The following SLC39A8 variants were observed in gnomAD, a reference collection of about 807,000 sequenced individuals.
SLC39A8 encodes the protein metal cation symporter ZIP8.
In SLC39A8, 15 loss-of-function variants were observed where a neutral mutation model predicts 40.4. The observed-to-expected ratio is 0.37, with a 90% confidence interval of 0.25 to 0.57. The LOEUF (loss-of-function observed/expected upper bound fraction) is 0.57. Ranked by LOEUF, SLC39A8 falls within the 20% of genes least tolerant of loss-of-function variation. The probability of loss-of-function intolerance (pLI) is 0.75; values close to 1 mark genes in which losing one functional copy is unlikely to be tolerated. For missense variants in SLC39A8, 472 were observed against 558.8 expected (o/e 0.84, Z 1.57); for synonymous variants, 223 against 221.6 (o/e 1.01, Z -0.06).
At position 102,344,895 on chromosome 4, in the gene SLC39A8, C is replaced by G; in HGVS notation, c.-233G>C. The G allele has an allele frequency of 7.7e-7, 1 of 1,290,840 alleles. No individual in the cohort carries two copies. The highest frequency in any genetic ancestry group is 4.3e-5 in the Admixed American group (1 of 23,358). 80.0% of individuals were successfully genotyped at this position (1,290,840 alleles called of 1,614,324 possible). A position where few individuals can be genotyped will look rare whatever the true frequency, so the allele number is the denominator to read the frequency against. Reference sequence around the variant, plus strand: ...CGAGGGGAGCGATAGGCGGAGTGGGCCCCCCGGCCTCCTGGAGAGCCTGAG... The same window carrying G: ...CGAGGGGAGCGATAGGCGGAGTGGGGCCCCCGGCCTCCTGGAGAGCCTGAG... On this transcript the variant is annotated 5_prime_UTR_variant, in exon 2 of 9. Transcript: ENST00000356736.
At chr4:102,303,437 T>C (rs116595123) in intron 6 of SLC39A8, among the ~76,000 whole-genome samples, 3,308 of 152,040 alleles carry the variant, frequency 0.022, 60 homozygotes, top group Middle Eastern at 0.065. Flanking sequence ...GATTTTGGAT[T>C]TAGGACTGAA....
chr4:102,273,127 C>T (rs1393490274), intron 6 of SLC39A8, among the ~76,000 whole-genome samples: 1 of 152,126 alleles, frequency 6.6e-6, no homozygotes, highest in African/African-American at 2.4e-5. Flanking sequence ...GGGGCTGAAG[C>T]CAGGGAGCCA....
At chr4:102,319,047 G>A (rs923539498) in intron 2 of SLC39A8, among the ~76,000 whole-genome samples, 1 of 152,160 alleles carries the variant, frequency 6.6e-6, no homozygotes, top group Non-Finnish European at 1.5e-5. Flanking sequence ...TTGTATGTGT[G>A]AAACACCAAA....
In SLC39A8 at chr4:102,288,769, C is replaced by G. The variant is rs1733295970; in HGVS notation, c.840+15548G>C. On this transcript the variant is annotated intron_variant, in intron 6 of 8. Coordinates refer to ENST00000356736, the MANE Select transcript of SLC39A8 (RefSeq NM_001135146.2). ...TACCCTAAAGTAGGAGCAAGCCCCT[C>G]TTTTCAATTCTATGAAGGCTGAGAG... Among the ~76,000 whole-genome samples the G allele has an allele frequency of 2.0e-5, 3 of 152,072 alleles. No homozygotes were observed. In the South Asian group the frequency reaches 6.2e-4, roughly 31 times the overall value.
At chr4:102,272,411 G>A (rs1732404386) in intron 6 of SLC39A8, among the ~76,000 whole-genome samples, 1 of 150,974 alleles carries the variant, frequency 6.6e-6, no homozygotes, top group African/African-American at 2.4e-5. Flanking sequence ...GCCGAGCCTG[G>A]GTGACAGAGT....
At chr4:102,289,463 T>C (rs187709435) in intron 6 of SLC39A8, among the ~76,000 whole-genome samples, 50 of 152,316 alleles carry the variant, frequency 3.3e-4, no homozygotes, top group African/African-American at 1.0e-3. Flanking sequence ...ACAAGTCATA[T>C]TATTTAAGAA....
chr4:102,294,457 C>T, intron 6 of SLC39A8, among the ~76,000 whole-genome samples: 1 of 151,936 alleles, frequency 6.6e-6, no homozygotes, highest in African/African-American at 2.4e-5. Flanking sequence ...CTTCATTCTC[C>T]ACCATCCCCA....
At chr4:102,302,544 A>C (rs1388914910) in intron 6 of SLC39A8, among the ~76,000 whole-genome samples, 1 of 152,048 alleles carries the variant, frequency 6.6e-6, no homozygotes, top group Admixed American at 6.6e-5. Context: ...CCACTACAAA[A>C]AATAAATATT....
intron 3 of SLC39A8, among the ~76,000 whole-genome samples, chr4:102,309,144 A>G (rs955705535): frequency 6.6e-6 from 1 of 152,128 alleles, no homozygotes; most frequent in African/African-American, 2.4e-5. Flanking sequence ...TAGAATTTCT[A>G]TGTACAAATA....
intron 6 of SLC39A8, among the ~76,000 whole-genome samples, chr4:102,300,773 A>G (rs958682643): frequency 3.3e-5 from 5 of 151,836 alleles, no homozygotes; most frequent in Non-Finnish European, 7.4e-5. Context: ...CCTAGGTTAG[A>G]TTATTTTTAT....
At chr4:102,317,609 A>G (rs1462797655) in intron 2 of SLC39A8, among the ~76,000 whole-genome samples, 1 of 152,154 alleles carries the variant, frequency 6.6e-6, no homozygotes, top group Non-Finnish European at 1.5e-5. Context: ...TGCTAGATTC[A>G]AAAAGTAGAC....
chr4:102,294,895 A>C (rs986467670), intron 6 of SLC39A8, among the ~76,000 whole-genome samples: 1 of 151,986 alleles, frequency 6.6e-6, no homozygotes, highest in Non-Finnish European at 1.5e-5. Flanking sequence ...ACCACTTCAG[A>C]CTTATTAAAT....
At chr4:102,285,600 G>A (rs1263312247) in intron 6 of SLC39A8, among the ~76,000 whole-genome samples, 1 of 150,022 alleles carries the variant, frequency 6.7e-6, no homozygotes, top group Non-Finnish European at 1.5e-5. Context: ...AGATATGATT[G>A]TAGAGACAAA....
intron 3 of SLC39A8, among the ~76,000 whole-genome samples, chr4:102,313,047 C>G (rs940711098): frequency 3.9e-5 from 6 of 152,092 alleles, no homozygotes; most frequent in Non-Finnish European, 7.4e-5. Flanking sequence ...GAACAATTAG[C>G]AATTCAAAAT....
intron 6 of SLC39A8, among the ~76,000 whole-genome samples, chr4:102,276,652 T>A (rs1732631797): frequency 6.6e-6 from 1 of 152,132 alleles, no homozygotes; most frequent in Non-Finnish European, 1.5e-5. Context: ...GCCAGCATCA[T>A]CCTGATACCA....
intron 11 of SLC39A8, among the ~76,000 whole-genome samples, chr4:102,253,895 A>G (rs1213863383): frequency 6.6e-6 from 1 of 152,020 alleles, no homozygotes; most frequent in Non-Finnish European, 1.5e-5. Flanking sequence ...GATTGTTTGC[A>G]TTTCCTTTCT....
At chr4:102,288,744 T>G (rs7654435) in intron 6 of SLC39A8, among the ~76,000 whole-genome samples, 12,769 of 152,090 alleles carry the variant, frequency 0.084, 1,790 homozygotes, top group African/African-American at 0.29. Context: ...ACCCACAACA[T>G]ACCCTAAAGT....
intron 3 of SLC39A8, among the ~76,000 whole-genome samples, chr4:102,311,190 T>C (rs1234286582): frequency 6.6e-6 from 1 of 152,116 alleles, no homozygotes; most frequent in Non-Finnish European, 1.5e-5. Flanking sequence ...GTTCCTTGAC[T>C]TCCCTAAGTT....
chr4:102,315,524 A>G (rs1734614629), intron 3 of SLC39A8, 144 bp downstream of exon 3: 1 of 619,884 alleles, frequency 1.6e-6, no homozygotes, highest in Non-Finnish European at 2.5e-6. Flanking sequence ...CTTATTCCAA[A>G]TACTTTCAAA....
Sources: gnomAD v4.1 joint callset for allele counts (sites outside exome capture counted in the v4.1 genomes callset) on GRCh38, gnomAD v4.1.1 for gene constraint, MANE v1.5 for transcripts, NCBI Gene and HGNC (gene_info 2026-07-23, HGNC 2026-07-21) for gene names.